The following WDPCP variants were observed in gnomAD, a reference collection of about 807,000 sequenced individuals.
WDPCP encodes the protein WD repeat containing planar cell polarity effector, also known as WD repeat-containing and planar cell polarity effector protein fritz homolog.
WDPCP carries 71 observed loss-of-function variants against 93.1 expected under a neutral mutation model. The ratio of observed to expected loss-of-function variants is 0.76; its 90% CI spans 0.63 to 0.93. The LOEUF (loss-of-function observed/expected upper bound fraction) is 0.93. Ranked by LOEUF, WDPCP falls within the 40% of genes least tolerant of loss-of-function variation. WDPCP has a pLI of 0.00. For missense variants in WDPCP, 844 were observed against 887.4 expected (o/e 0.95, Z 0.62); for synonymous variants, 315 against 315.0 (o/e 1.00, Z 0.00).
chr2:63,215,734 T>G (rs1677272587), intron 14 of WDPCP, among the ~76,000 whole-genome samples: 2 of 152,128 alleles, frequency 1.3e-5, no homozygotes, highest in Non-Finnish European at 2.9e-5. Flanking sequence ...CTAAAGAGCT[T>G]CTGCACAGCA....
At chr2:63,662,708 A>G (rs1475317632) in intron 2 of WDPCP, among the ~76,000 whole-genome samples, 1 of 152,092 alleles carries the variant, frequency 6.6e-6, no homozygotes, top group African/African-American at 2.4e-5. Flanking sequence ...TCTCCTGGAG[A>G]GAGGGGTAGG....
chr2:63,355,026 T>C (rs2104593051), intron 12 of WDPCP, among the ~76,000 whole-genome samples: 1 of 152,304 alleles, frequency 6.6e-6, no homozygotes, highest in South Asian at 2.1e-4. Flanking sequence ...TATTTCAGGA[T>C]ATGGTGCATG....
chr2:63,359,493 C>A (rs1323614651), intron 12 of WDPCP, among the ~76,000 whole-genome samples: 1 of 152,116 alleles, frequency 6.6e-6, no homozygotes. Flanking sequence ...ATTATAATAG[C>A]TAAAATAAAA....
intron 3 of WDPCP, among the ~76,000 whole-genome samples, chr2:63,641,577 G>T (rs1375213028): frequency 1.3e-5 from 2 of 151,972 alleles, no homozygotes; most frequent in East Asian, 3.8e-4. Flanking sequence ...CCTGTTTGTT[G>T]TTTGCATGTC....
intron 2 of WDPCP, among the ~76,000 whole-genome samples, chr2:63,668,130 G>A (rs760829724): frequency 2.6e-5 from 4 of 152,160 alleles, no homozygotes; most frequent in East Asian, 1.9e-4. Context: ...GCCACTATAC[G>A]GCAGAACAGG....
intron 13 of WDPCP, among the ~76,000 whole-genome samples, chr2:63,298,522 C>G (rs939022565): frequency 1.3e-5 from 2 of 151,940 alleles, no homozygotes; most frequent in African/African-American, 2.4e-5. Flanking sequence ...CTTGCTGAGT[C>G]TTCTTGCCTT....
At chr2:63,564,969 G>T (rs1706924101) in intron 1 of WDPCP, among the ~76,000 whole-genome samples, 1 of 152,036 alleles carries the variant, frequency 6.6e-6, no homozygotes, top group African/African-American at 2.4e-5. Flanking sequence ...AGTAGAGATG[G>T]TGTTTCACCA....
At chr2:63,359,518 G>A (rs1039387836) in intron 12 of WDPCP, among the ~76,000 whole-genome samples, 3 of 152,134 alleles carry the variant, frequency 2.0e-5, no homozygotes, top group African/African-American at 7.2e-5. Context: ...GCAATGCTAG[G>A]AGAAACCAGA....
intron 9 of WDPCP, among the ~76,000 whole-genome samples, chr2:63,425,466 G>A (rs1158206538): frequency 6.6e-6 from 1 of 152,120 alleles, no homozygotes; most frequent in African/African-American, 2.4e-5. Flanking sequence ...AAACCCAATA[G>A]AACCCAGTGA....
chr2:63,126,945 A>G (rs907002537), intron 17 of WDPCP, among the ~76,000 whole-genome samples: 1 of 151,846 alleles, frequency 6.6e-6, no homozygotes, highest in Non-Finnish European at 1.5e-5. Flanking sequence ...AGCCTCCCAA[A>G]TCACTAGGAT....
At chr2:63,829,336 G>T (rs1671160047), upstream of WDPCP, among the ~76,000 whole-genome samples, 1 of 152,000 alleles carries the variant, frequency 6.6e-6, no homozygotes, top group African/African-American at 2.4e-5. Context: ...TGAAAACACT[G>T]CCCAAAAGGT....
intron 12 of WDPCP, among the ~76,000 whole-genome samples, chr2:63,356,958 C>T (rs1690059611): frequency 6.6e-6 from 1 of 152,078 alleles, no homozygotes; most frequent in Non-Finnish European, 1.5e-5. Flanking sequence ...AGAGAGAGAC[C>T]AGAAATAAGG....
At chr2:63,264,146 A>G (rs1445149739) in intron 13 of WDPCP, among the ~76,000 whole-genome samples, 2 of 152,222 alleles carry the variant, frequency 1.3e-5, no homozygotes, top group African/African-American at 4.8e-5. Context: ...CATGGTTATA[A>G]CAGACTAGTG....
chr2:63,362,844 T>C (rs1052226909), intron 12 of WDPCP, among the ~76,000 whole-genome samples: 1 of 152,164 alleles, frequency 6.6e-6, no homozygotes, highest in Admixed American at 6.5e-5. Context: ...ACAAGTATGA[T>C]AAAATGTTTT....
At chr2:63,588,568 C>G (rs1332275191), upstream of WDPCP, 8 of 556,114 alleles carry the variant, frequency 1.4e-5, no homozygotes, top group East Asian at 1.9e-4. Flanking sequence ...GTCTCTTTAC[C>G]TCCCACGTTT....
At chr2:63,433,317 A>G (rs1444190847) in intron 9 of WDPCP, among the ~76,000 whole-genome samples, 1 of 152,256 alleles carries the variant, frequency 6.6e-6, no homozygotes, top group African/African-American at 2.4e-5. Context: ...CACAGGCATG[A>G]TATCATGAGT....
rs566208824 is a variant in WDPCP, at chr2:63,287,032, T to TC, written c.1812+26215dup. On this transcript the variant is annotated intron_variant, in intron 13 of 17. Coordinates refer to ENST00000272321, the MANE Select transcript of WDPCP (RefSeq NM_015910.7). ...GGCAGGTTTGGTTTCTCCCTGAACCTCTCTCCTTGGCTTGTAGATGGCCAC... is the reference window on the plus strand; with the variant it reads ...GGCAGGTTTGGTTTCTCCCTGAACCTCCTCTCCTTGGCTTGTAGATGGCCAC... Among the ~76,000 whole-genome samples, 37 of 152,340 alleles carry TC rather than the reference T, an allele frequency of 2.4e-4. No individual in the cohort carries two copies. The East Asian group carries it at 4.6e-3, about 19-fold the overall frequency.
intron 2 of WDPCP, among the ~76,000 whole-genome samples, chr2:63,711,023 A>G (rs1211971584): frequency 6.6e-6 from 1 of 152,220 alleles, no homozygotes; most frequent in Non-Finnish European, 1.5e-5. Flanking sequence ...AACAACCAGC[A>G]TATTTTGATA....
chr2:63,144,238 G>C lies in WDPCP; in HGVS notation c.2190+8676C>G, dbSNP rs953228398. 2.6e-5 allele frequency among the ~76,000 whole-genome samples: 4 copies of C among 151,522 alleles called. No individual in the cohort carries two copies. The East Asian group carries it at 7.7e-4, about 29-fold the overall frequency. On this transcript the variant is annotated intron_variant, in intron 17 of 17. Coordinates refer to ENST00000272321, the MANE Select transcript of WDPCP (RefSeq NM_015910.7). ...TCTCCTTGTTCAATTCTATTGGTGA[G>C]ACTTTCCAGAGCATTTACCCTTTTT... is the stretch of plus-strand genomic sequence containing the variant.
Sources: gnomAD v4.1 joint callset for allele counts (sites outside exome capture counted in the v4.1 genomes callset) on GRCh38, gnomAD v4.1.1 for gene constraint, MANE v1.5 for transcripts, NCBI Gene and HGNC (gene_info 2026-07-23, HGNC 2026-07-21) for gene names.